UNC13C: variants seen among roughly 807,000 people sequenced by gnomAD.
UNC13C encodes the protein protein unc-13 homolog C.
UNC13C carries 174 observed loss-of-function variants against 245.4 expected under a neutral mutation model. The observed-to-expected ratio is 0.71, with a 90% CI of 0.63 to 0.80. The LOEUF is 0.80. Ranked by LOEUF, UNC13C falls within the 30% of genes least tolerant of loss-of-function variation. The pLI, the probability that UNC13C is intolerant of heterozygous loss-of-function variation, is 0.00. For missense variants in UNC13C, 2,829 were observed against 2,602.9 expected (o/e 1.09, Z -1.89); for synonymous variants, 992 against 895.1 (o/e 1.11, Z -1.93).
At position 54,511,783 on chromosome 15, in the gene UNC13C, T is replaced by C. The variant is rs1357913650; in HGVS notation, c.5410T>C (p.Leu1804=). ...TATCTTGATGAACAATATTCAACAA[T>C]TGCGGGTCCAGCTGGAAAAAATGTT... is the stretch of plus-strand genomic sequence containing the variant. The part of the protein sequence containing the change: ...PCILMNNIQQ[L]RVQLEKMFES... Residue 1804 remains leucine, a synonymous_variant, in exon 24 of 33, where the codon TTG becomes CTG. Coordinates refer to ENST00000260323, the MANE Select transcript of UNC13C (RefSeq NM_001080534.3). 1.2e-6 allele frequency: 2 copies of C among 1,610,222 alleles called. No individual in the cohort carries two copies. Among genetic ancestry groups the C allele is most frequent in the Non-Finnish European group, 1.7e-6 (2 of 1,178,200 alleles).
intron 2 of UNC13C, among the ~76,000 whole-genome samples, chr15:54,129,337 T>C (rs1432018715): frequency 6.6e-6 from 1 of 152,244 alleles, no homozygotes; most frequent in Non-Finnish European, 1.5e-5. Context: ...GTATGTAATC[T>C]TATCACATAC....
the UNC13C span, among the ~76,000 whole-genome samples, chr15:53,933,572 T>C: frequency 6.6e-6 from 1 of 152,190 alleles, no homozygotes; most frequent in East Asian, 1.9e-4. Flanking sequence ...TAATATGGTT[T>C]ACACTGTCTG....
chr15:54,094,035 C>A (rs916787151), intron 2 of UNC13C, among the ~76,000 whole-genome samples: 2 of 85,162 alleles, frequency 2.3e-5, no homozygotes, highest in African/African-American at 8.9e-5. Context: ...ACCTTTACTT[C>A]ATTTCCAAGA....
In UNC13C at chr15:54,333,800, C is replaced by T; in HGVS notation, c.4528C>T (p.Gln1510Ter). 6.2e-7 allele frequency: 1 copy of T among 1,606,682 alleles called. No individual in the cohort carries two copies. The highest frequency in any genetic ancestry group is 8.5e-7 in the Non-Finnish European group (1 of 1,176,098). Residue 1510 changes from glutamine to a stop codon, truncating the protein, a stop_gained, in exon 16 of 33, where the codon CAA (glutamine) becomes TAA (stop). Coordinates refer to ENST00000260323, the MANE Select transcript of UNC13C (RefSeq NM_001080534.3). LOFTEE classifies it high-confidence loss of function. ...TCCTGCAAGCAATACTGAAAGACTG[C>T]AAGACCTGAAATCAACTGTTGACCT... ...NFPASNTERL[Q>*]DLKSTVDLLT...
Position 54,014,739 on chromosome 15 carries a change from T to G in UNC13C, c.1836T>G (p.Gly612=), listed in dbSNP as rs1239193692. The G allele has an allele frequency of 6.2e-7, 1 of 1,613,744 alleles. No individual in the cohort carries two copies. Among genetic ancestry groups the G allele is most frequent in the Non-Finnish European group, 8.5e-7 (1 of 1,179,838 alleles). ...KDQHLNGGVQ[G]IQGQTETENT... is the part of the protein sequence containing the mutation. ...AGCATTTGAATGGAGGTGTTCAGGG[T>G]ATCCAAGGGCAGACTGAAACTGAAA... Residue 612 remains glycine (G), a synonymous_variant, in exon 2 of 33, where the codon GGT becomes GGG. Transcript: ENST00000260323.
chr15:54,331,251 G>T (rs1281584522), intron 14 of UNC13C, among the ~76,000 whole-genome samples: 1 of 152,060 alleles, frequency 6.6e-6, no homozygotes, highest in Admixed American at 6.6e-5. Flanking sequence ...CTGGAATTCA[G>T]AATAGTGGAG....
At chr15:54,034,071 G>C (rs552356639) in intron 2 of UNC13C, among the ~76,000 whole-genome samples, 1 of 152,286 alleles carries the variant, frequency 6.6e-6, no homozygotes, top group South Asian at 2.1e-4. Context: ...TTCCAGAATG[G>C]ACTTCCCTGG....
In UNC13C at chr15:54,363,788, C is replaced by A. The variant is rs114566996; in HGVS notation, c.4713+25299C>A. ...TAAAGAATTCATTTACAAAAATATG[C>A]CCTAGCTTTTTGATGTATGTTGAAT... On this transcript the variant is annotated intron_variant, in intron 17 of 32. Transcript: ENST00000260323. Among the ~76,000 whole-genome samples, 1,429 of 152,144 alleles carry A rather than the reference C, an allele frequency of 9.4e-3. 28 individuals are homozygous for A. Among genetic ancestry groups the A allele is most frequent in the African/African-American group, 0.033 (1,350 of 41,478 alleles).
At chr15:54,417,572 T>A (rs77490584) in intron 19 of UNC13C, among the ~76,000 whole-genome samples, 1 of 152,128 alleles carries the variant, frequency 6.6e-6, no homozygotes, top group African/African-American at 2.4e-5. Flanking sequence ...TCTGCATAAC[T>A]GTATTTTCCA....
chr15:53,839,117 G>A, the UNC13C span, among the ~76,000 whole-genome samples: 7 of 152,042 alleles, frequency 4.6e-5, no homozygotes, highest in Admixed American at 2.0e-4. Flanking sequence ...CGTGTAAAAT[G>A]TGTATATGCA....
intron 7 of UNC13C, among the ~76,000 whole-genome samples, chr15:54,245,499 G>C (rs1305730749): frequency 6.6e-6 from 1 of 151,968 alleles, no homozygotes; most frequent in African/African-American, 2.4e-5. Context: ...TGTACTTTCT[G>C]CTACAAAAAA....
chr15:54,072,444 C>T (rs1244272478), intron 2 of UNC13C, among the ~76,000 whole-genome samples: 3 of 152,306 alleles, frequency 2.0e-5, no homozygotes, highest in African/African-American at 7.2e-5. Flanking sequence ...CCTTTGCACT[C>T]TTTTGCTTCT....
the UNC13C span, among the ~76,000 whole-genome samples, chr15:53,872,501 G>A: frequency 1.1e-4 from 17 of 152,014 alleles, no homozygotes; most frequent in Non-Finnish European, 2.2e-4. Context: ...TTTTCATTCC[G>A]CATGTAAAAT....
chr15:53,867,368 C>T, the UNC13C span, among the ~76,000 whole-genome samples: 42,370 of 151,990 alleles, frequency 0.28, 7,127 homozygotes, highest in Non-Finnish European at 0.36. Flanking sequence ...ACATTAACAA[C>T]GTTTGATTTT....
At chr15:53,933,434 G>A in the UNC13C span, among the ~76,000 whole-genome samples, 1 of 152,036 alleles carries the variant, frequency 6.6e-6, no homozygotes, top group East Asian at 1.9e-4. Flanking sequence ...CAAAACGATG[G>A]TATTACTATA....
At chr15:53,932,345 C>T in the UNC13C span, among the ~76,000 whole-genome samples, 12 of 144,882 alleles carry the variant, frequency 8.3e-5, no homozygotes, top group South Asian at 2.5e-3. Context: ...CAACAACAAA[C>T]AGTGCTGACC....
chr15:54,509,519 G>T (rs765551093), intron 23 of UNC13C, among the ~76,000 whole-genome samples: 3 of 151,932 alleles, frequency 2.0e-5, no homozygotes, highest in Non-Finnish European at 4.4e-5. Context: ...TCCTAACTTT[G>T]TTCCAGATTG....
intron 4 of UNC13C, among the ~76,000 whole-genome samples, chr15:54,217,191 T>C (rs986948567): frequency 2.0e-5 from 3 of 151,854 alleles, no homozygotes; most frequent in Non-Finnish European, 4.4e-5. Context: ...TTTCAGATAT[T>C]AGGGTTCATA....
chr15:54,049,520 A>G (rs1302417525), intron 2 of UNC13C: 3 of 323,268 alleles, frequency 9.3e-6, no homozygotes, highest in African/African-American at 6.7e-5. Flanking sequence ...GAATTCCAAT[A>G]AGTTCACTGC....
Sources: allele counts gnomAD v4.1 joint callset (sites outside exome capture counted in the v4.1 genomes callset), GRCh38; gene constraint gnomAD v4.1.1; transcripts MANE v1.5; gene names NCBI Gene and HGNC (gene_info 2026-07-23, HGNC 2026-07-21).